BACH2: variants seen among roughly 807,000 people sequenced by gnomAD.
BACH2 encodes the protein transcription regulator protein BACH2.
In BACH2, 5 loss-of-function variants were observed where a neutral mutation model predicts 61.8. The observed-to-expected ratio is 0.08, with a 90% CI of 0.04 to 0.17. The LOEUF (loss-of-function observed/expected upper bound fraction) is 0.17. BACH2 is among the 10% of genes least tolerant of loss of function. The pLI is 1.00. For synonymous variants in BACH2, 446 were observed against 440.1 expected (o/e 1.01, Z -0.17); for missense variants, 824 against 1,091.1 (o/e 0.76, Z 3.45).
At chr6:90,103,029 A>ATATATATATATATATTTTTTT in intron 4 of BACH2, among the ~76,000 whole-genome samples, 6 of 21,164 alleles carry the variant, frequency 2.8e-4, no homozygotes, top group African/African-American at 1.2e-3. Context: ...ATATATATAT[A>ATATATATATATATATTTTTTT]TTTTTTTTTT....
chr6:90,107,213 A>G (rs1186785309), intron 4 of BACH2, among the ~76,000 whole-genome samples: 3 of 152,072 alleles, frequency 2.0e-5, no homozygotes, highest in Non-Finnish European at 4.4e-5. Flanking sequence ...CTCTACTAAA[A>G]ATACAAAAAT....
chr6:90,258,448 C>T (rs1013984573), intron 2 of BACH2, among the ~76,000 whole-genome samples: 2 of 152,102 alleles, frequency 1.3e-5, no homozygotes, highest in Admixed American at 6.5e-5. Flanking sequence ...CTGTATAATA[C>T]TGTCTTTATT....
intron 8 of BACH2, among the ~76,000 whole-genome samples, chr6:89,935,067 G>C (rs944154547): frequency 1.4e-4 from 22 of 152,186 alleles, no homozygotes; most frequent in African/African-American, 4.8e-4. Context: ...CATTATGCGA[G>C]TTTGCAACAG....
chr6:90,029,623 C>A (rs1284306327), intron 5 of BACH2, among the ~76,000 whole-genome samples: 1 of 152,214 alleles, frequency 6.6e-6, no homozygotes, highest in Non-Finnish European at 1.5e-5. Flanking sequence ...ACCATTGAAG[C>A]CGCAGAACTT....
chr6:90,094,639 A>G (rs1782308302), intron 4 of BACH2, among the ~76,000 whole-genome samples: 1 of 152,236 alleles, frequency 6.6e-6, no homozygotes, highest in South Asian at 2.1e-4. Context: ...AGAATTTTTA[A>G]GCTAATTCTC....
chr6:90,171,765 C>G (rs111593217), intron 4 of BACH2, among the ~76,000 whole-genome samples: 119 of 152,066 alleles, frequency 7.8e-4, no homozygotes, highest in African/African-American at 2.8e-3. Context: ...ATGTGTTTAA[C>G]ATTTTTAAAA....
chr6:89,933,709 G>A (rs542369909), intron 8 of BACH2, among the ~76,000 whole-genome samples: 20 of 152,278 alleles, frequency 1.3e-4, no homozygotes, highest in African/African-American at 4.6e-4. Context: ...AGTCAGGCTG[G>A]GTGCAGTGGC....
chr6:89,970,268 G>A (rs897436037), intron 6 of BACH2, among the ~76,000 whole-genome samples: 2 of 152,216 alleles, frequency 1.3e-5, no homozygotes, highest in South Asian at 4.1e-4. Flanking sequence ...GCAGTGCCCT[G>A]TTCCCAGTTC....
intron 1 of BACH2, among the ~76,000 whole-genome samples, chr6:90,281,722 T>C (rs1771864515): frequency 1.3e-5 from 2 of 152,210 alleles, no homozygotes; most frequent in African/African-American, 2.4e-5. Flanking sequence ...GATTCATCCA[T>C]TTTGATGCAC....
chr6:90,012,857 G>A (rs1427365261), intron 5 of BACH2, among the ~76,000 whole-genome samples: 6 of 151,874 alleles, frequency 4.0e-5, no homozygotes, highest in Admixed American at 6.6e-5. Context: ...TAGTAGAGAC[G>A]GGTTTTGCCA....
At chr6:90,156,681 T>C (rs1470366618) in intron 4 of BACH2, among the ~76,000 whole-genome samples, 4 of 152,236 alleles carry the variant, frequency 2.6e-5, no homozygotes, top group South Asian at 4.2e-4. Flanking sequence ...TTGTGTTATA[T>C]TGAGCTGAGG....
chr6:89,973,929 T>C (rs1260463090), intron 6 of BACH2, among the ~76,000 whole-genome samples: 1 of 152,224 alleles, frequency 6.6e-6, no homozygotes, highest in African/African-American at 2.4e-5. Context: ...ATTCTCTCTG[T>C]TATCACTTTA....
At chr6:90,150,255 C>T (rs1292701781) in intron 4 of BACH2, among the ~76,000 whole-genome samples, 1 of 152,090 alleles carries the variant, frequency 6.6e-6, no homozygotes, top group African/African-American at 2.4e-5. Flanking sequence ...AATTGCTGTA[C>T]CCTCCCAACT....
intron 2 of BACH2, among the ~76,000 whole-genome samples, chr6:90,255,596 C>A (rs1770951056): frequency 6.6e-6 from 1 of 152,104 alleles, no homozygotes; most frequent in East Asian, 1.9e-4. Flanking sequence ...AAGAAGAAAA[C>A]AGCCAACTTT....
At chr6:90,211,925 A>G (rs1769368902) in intron 3 of BACH2, among the ~76,000 whole-genome samples, 1 of 152,126 alleles carries the variant, frequency 6.6e-6, no homozygotes, top group Non-Finnish European at 1.5e-5. Context: ...TCCCACCACC[A>G]CGCCCAGCAG....
chr6:90,193,571 C>CA (rs1768652384), intron 4 of BACH2, among the ~76,000 whole-genome samples: 1 of 152,158 alleles, frequency 6.6e-6, no homozygotes, highest in Admixed American at 6.6e-5. Context: ...TACTCTGTTA[C>CA]AGCAGCCTGA....
intron 6 of BACH2, among the ~76,000 whole-genome samples, chr6:89,956,958 T>A (rs1774459069): frequency 1.3e-5 from 2 of 152,146 alleles, no homozygotes; most frequent in Admixed American, 1.3e-4. Flanking sequence ...GGTCCCTTAA[T>A]CACAACTTCA....
intron 5 of BACH2, among the ~76,000 whole-genome samples, chr6:90,068,779 G>A (rs1349751057): frequency 6.6e-6 from 1 of 152,064 alleles, no homozygotes; most frequent in Non-Finnish European, 1.5e-5. Flanking sequence ...AATTCAACAT[G>A]TTCTAAGGGA....
chr6:90,014,394 A>T (rs1347488926), intron 5 of BACH2, among the ~76,000 whole-genome samples: 1 of 125,424 alleles, frequency 8.0e-6, no homozygotes, highest in Non-Finnish European at 1.6e-5. Context: ...TCATTTTTTT[A>T]AATTGTCAAA....
Sources: gnomAD v4.1 joint callset for allele counts (sites outside exome capture counted in the v4.1 genomes callset) on GRCh38, gnomAD v4.1.1 for gene constraint, MANE v1.5 for transcripts, NCBI Gene and HGNC (gene_info 2026-07-23, HGNC 2026-07-21) for gene names.